SPAG16: variants seen among roughly 807,000 people sequenced by gnomAD.
SPAG16 encodes the protein sperm-associated antigen 16 protein.
In SPAG16, 86 loss-of-function variants were observed where a neutral mutation model predicts 80.4. That is an observed-to-expected ratio of 1.07 (90% CI 0.90 to 1.28). The LOEUF (loss-of-function observed/expected upper bound fraction) is 1.28, where lower values mean the gene tolerates loss of function less well. SPAG16 is among the 50% of genes most tolerant of loss of function. The pLI, the probability that SPAG16 is intolerant of heterozygous loss-of-function variation, is 0.00. For missense variants in SPAG16, 870 were observed against 765.3 expected (o/e 1.14, Z -1.61); for synonymous variants, 294 against 265.9 (o/e 1.11, Z -1.03).
rs1173682364 is a variant in SPAG16, at chr2:213,675,360, C to A, written c.1070+185270C>A. ...TGCCTGTTCACTCTGATGGTAGTTT[C>A]TTTTGCTGTGCAGAAGCTCTTTAGT... On this transcript the variant is annotated intron_variant, in intron 10 of 15. Coordinates refer to ENST00000331683, the MANE Select transcript of SPAG16 (RefSeq NM_024532.5). Among the ~76,000 whole-genome samples the A allele has an allele frequency of 9.2e-5, 14 of 152,234 alleles. No individual in the cohort carries two copies. In the East Asian group the frequency reaches 1.7e-3, roughly 19 times the overall value.
chr2:213,658,322 A>C (rs2063297023), intron 10 of SPAG16, among the ~76,000 whole-genome samples: 1 of 151,906 alleles, frequency 6.6e-6, no homozygotes, highest in Non-Finnish European at 1.5e-5. Context: ...ACTTCCTCAT[A>C]ATCTAGCCCC....
rs564363896 is a variant in SPAG16 at position 214,193,939 on chromosome 2, C to T, written c.1720+44673C>T. On this transcript the variant is annotated intron_variant, in intron 15 of 15. Transcript: ENST00000331683. The stretch of plus-strand genomic sequence containing the variant: ...TGATAAAATTCTCAGACACTACCAA[C>T]GTTAAAGCAATGCACCATTCAGATG... Among the ~76,000 whole-genome samples the T allele has an allele frequency of 9.9e-5, 15 of 152,102 alleles. No homozygotes were observed. The East Asian group carries it at 1.7e-3, about 18-fold the overall frequency.
At chr2:214,318,825 T>G (rs1327206390) in intron 15 of SPAG16, among the ~76,000 whole-genome samples, 1 of 152,106 alleles carries the variant, frequency 6.6e-6, no homozygotes, top group Non-Finnish European at 1.5e-5. Flanking sequence ...TAGACTAACT[T>G]GGCTCTAGCC....
At chr2:213,341,728 T>C (rs1432179414) in intron 6 of SPAG16, among the ~76,000 whole-genome samples, 1 of 152,054 alleles carries the variant, frequency 6.6e-6, no homozygotes, top group African/African-American at 2.4e-5. Flanking sequence ...TTTGTAGTGA[T>C]GGGGGTCTCA....
chr2:213,361,251 G>C (rs1403084107), intron 7 of SPAG16, among the ~76,000 whole-genome samples: 1 of 151,736 alleles, frequency 6.6e-6, no homozygotes, highest in African/African-American at 2.4e-5. Flanking sequence ...TTTTGAATTA[G>C]AGCTCCATGA....
intron 10 of SPAG16, among the ~76,000 whole-genome samples, chr2:213,694,299 G>A (rs185216259): frequency 1.3e-4 from 20 of 152,274 alleles, no homozygotes; most frequent in Admixed American, 9.2e-4. Context: ...TAATCGAGCT[G>A]TATCACCTGC....
chr2:213,611,314 A>G (rs945981182), intron 10 of SPAG16, among the ~76,000 whole-genome samples: 1 of 152,244 alleles, frequency 6.6e-6, no homozygotes, highest in Non-Finnish European at 1.5e-5. Flanking sequence ...AATAAAAGTC[A>G]AAAACATTGA....
intron 10 of SPAG16, among the ~76,000 whole-genome samples, chr2:213,836,028 A>G (rs1207343844): frequency 6.6e-6 from 1 of 152,188 alleles, no homozygotes; most frequent in East Asian, 1.9e-4. Context: ...AGACAAATTC[A>G]GTGGAAATTG....
chr2:213,974,029 T>G (rs1299064961), intron 12 of SPAG16, among the ~76,000 whole-genome samples: 1 of 152,082 alleles, frequency 6.6e-6, no homozygotes, highest in Admixed American at 6.6e-5. Flanking sequence ...AGGATAACTT[T>G]TAAGGTGGAC....
chr2:213,721,387 C>T (rs2066528514), intron 10 of SPAG16, among the ~76,000 whole-genome samples: 2 of 152,210 alleles, frequency 1.3e-5, no homozygotes, highest in Admixed American at 1.3e-4. Context: ...GCGTAAGCCA[C>T]CGCGCCTGGC....
At chr2:213,847,855 A>T (rs1426674371) in intron 10 of SPAG16, among the ~76,000 whole-genome samples, 1 of 122,144 alleles carries the variant, frequency 8.2e-6, no homozygotes, top group African/African-American at 3.0e-5. Context: ...TTGTAATATA[A>T]ACAAATGACA....
At chr2:214,288,788 A>C (rs1045585808) in intron 15 of SPAG16, among the ~76,000 whole-genome samples, 14 of 6,310 alleles carry the variant, frequency 2.2e-3, no homozygotes, top group African/African-American at 5.9e-3. Context: ...TATTTATTTG[A>C]GACGTTGTCT....
intron 9 of SPAG16, among the ~76,000 whole-genome samples, chr2:213,430,544 A>T (rs1357424957): frequency 6.6e-6 from 1 of 152,172 alleles, no homozygotes; most frequent in Non-Finnish European, 1.5e-5. Flanking sequence ...TTCTTCTTCC[A>T]ATGTGGCCCA....
intron 13 of SPAG16, among the ~76,000 whole-genome samples, chr2:214,070,970 A>G (rs1232938743): frequency 6.6e-6 from 1 of 152,136 alleles, no homozygotes. Flanking sequence ...AAGAAATTCA[A>G]TGATTCACCT....
chr2:213,648,811 T>C (rs1368604039), intron 10 of SPAG16, among the ~76,000 whole-genome samples: 1 of 152,172 alleles, frequency 6.6e-6, no homozygotes, highest in Non-Finnish European at 1.5e-5. Flanking sequence ...TCCAATTTGC[T>C]TAACTCAGGT....
intron 10 of SPAG16, among the ~76,000 whole-genome samples, chr2:213,804,645 T>C (rs374983696): frequency 2.6e-5 from 4 of 152,188 alleles, no homozygotes; most frequent in Non-Finnish European, 5.9e-5. Context: ...ATCGCGCCAC[T>C]GCAGTCCAGC....
intron 13 of SPAG16, among the ~76,000 whole-genome samples, chr2:214,036,709 A>C (rs938071081): frequency 6.6e-6 from 1 of 152,214 alleles, no homozygotes; most frequent in Non-Finnish European, 1.5e-5. Context: ...TACAATGTAC[A>C]GAAAGTAGGG....
chr2:214,280,854 G>A, intron 15 of SPAG16: 1 of 431,110 alleles, frequency 2.3e-6, no homozygotes, highest in Admixed American at 2.7e-5. Context: ...ATATTGAGAG[G>A]ATTGTTTCTT....
At chr2:213,408,805 C>T (rs1362472963) in intron 9 of SPAG16, among the ~76,000 whole-genome samples, 2 of 152,124 alleles carry the variant, frequency 1.3e-5, no homozygotes, top group Non-Finnish European at 2.9e-5. Flanking sequence ...TTAAACAGAA[C>T]CAGGAAGGAA....
Sources: allele counts gnomAD v4.1 joint callset (sites outside exome capture counted in the v4.1 genomes callset), GRCh38; gene constraint gnomAD v4.1.1; transcripts MANE v1.5; gene names NCBI Gene and HGNC (gene_info 2026-07-23, HGNC 2026-07-21).